ERICH3: variants seen among roughly 807,000 people sequenced by gnomAD.
The protein encoded by ERICH3 is glutamate-rich protein 3.
In ERICH3, 126 loss-of-function variants were observed where a neutral mutation model predicts 131.1. The ratio of observed to expected loss-of-function variants is 0.96; its 90% CI spans 0.83 to 1.11. The LOEUF is 1.11. Among genes scored for constraint, ERICH3 ranks in the 50% most tolerant of loss-of-function variants. The pLI is 0.00. For missense variants in ERICH3, 2,050 were observed against 1,810.7 expected (o/e 1.13, Z -2.40); for synonymous variants, 695 against 644.6 (o/e 1.08, Z -1.18).
chr1:74,621,113 GT>G (rs1161002195), intron 7 of ERICH3, among the ~76,000 whole-genome samples, 199 bp from the exon 8 acceptor site: 4 of 152,086 alleles, frequency 2.6e-5, no homozygotes, highest in African/African-American at 9.7e-5. Flanking sequence ...TAACATATAT[GT>G]TTTGGCTTTC....
intron 12 of ERICH3, chr1:74,589,357 C>A: frequency 1.8e-6 from 1 of 540,682 alleles, no homozygotes; most frequent in Non-Finnish European, 3.2e-6. Flanking sequence ...TGCTTTATTT[C>A]ATTCCTGAGA....
chr1:74,588,225 C>A (rs1427000966), intron 12 of ERICH3, among the ~76,000 whole-genome samples: 1 of 152,170 alleles, frequency 6.6e-6, no homozygotes, highest in Non-Finnish European at 1.5e-5. Context: ...CAAATACGTT[C>A]TTCGTGAAAA....
chr1:74,588,165 T>TATCCTCCTGTATCCCACCTTC (rs1202442794), intron 12 of ERICH3, among the ~76,000 whole-genome samples: 105 of 152,338 alleles, frequency 6.9e-4, no homozygotes, highest in African/African-American at 2.4e-3. Flanking sequence ...AAAACACCTT[T>TATCCTCCTGTATCCCACCTTC]ATCCTCCTGT....
chr1:74,635,572 GT>G (rs1317191552), intron 6 of ERICH3, among the ~76,000 whole-genome samples: 1 of 151,986 alleles, frequency 6.6e-6, no homozygotes, highest in African/African-American at 2.4e-5. Flanking sequence ...CATGTCGCAG[GT>G]TTTTTCTTAA....
intron 10 of ERICH3, among the ~76,000 whole-genome samples, chr1:74,604,951 T>C (rs1043882677): frequency 6.6e-6 from 1 of 151,950 alleles, no homozygotes; most frequent in Non-Finnish European, 1.5e-5. Flanking sequence ...AGGTGTTGAC[T>C]TCTCCTTTCT....
intron 7 of ERICH3, chr1:74,625,847 C>T (rs1299064518): frequency 6.6e-6 from 1 of 152,160 alleles, no homozygotes; most frequent in African/African-American, 2.4e-5. Context: ...AAAGGATTAT[C>T]AGGTACATGA....
intron 8 of ERICH3, among the ~76,000 whole-genome samples, chr1:74,615,020 T>C (rs1314716845): frequency 2.0e-5 from 3 of 152,162 alleles, no homozygotes; most frequent in Non-Finnish European, 4.4e-5. Context: ...TAAGGAAATG[T>C]TGAGAAAGGG....
chr1:74,646,174 C>T (rs1646480782), intron 3 of ERICH3, among the ~76,000 whole-genome samples: 1 of 152,002 alleles, frequency 6.6e-6, no homozygotes, highest in African/African-American at 2.4e-5. Flanking sequence ...TGTTAAAATG[C>T]CTATTCCTTG....
chr1:74,636,145 G>A, intron 6 of ERICH3, 135 bp downstream of exon 6: 1 of 693,792 alleles, frequency 1.4e-6, no homozygotes, highest in Non-Finnish European at 2.1e-6. Flanking sequence ...CAAGTATGTA[G>A]TAAGTGTTTC....
intron 1 of ERICH3, among the ~76,000 whole-genome samples, chr1:74,672,027 G>A (rs1646747344): frequency 6.6e-6 from 1 of 152,128 alleles, no homozygotes; most frequent in Admixed American, 6.5e-5. Context: ...TGGAACTAAT[G>A]GAACTTCAGA....
intron 1 of ERICH3, among the ~76,000 whole-genome samples, chr1:74,656,976 TCA>T (rs1430191993): frequency 6.6e-6 from 1 of 152,206 alleles, no homozygotes; most frequent in Non-Finnish European, 1.5e-5. Flanking sequence ...CAGTAAACTG[TCA>T]CAAACCCAGC....
At chr1:74,636,163 T>C (rs1646387083) in intron 6 of ERICH3, 117 bp downstream of exon 6, 13 of 857,282 alleles carry the variant, frequency 1.5e-5, no homozygotes, top group Middle Eastern at 3.7e-4. Context: ...TTCATACATA[T>C]ACAATATAAT....
At chr1:74,648,197 C>G (rs932281527) in intron 2 of ERICH3, among the ~76,000 whole-genome samples, 17 of 152,100 alleles carry the variant, frequency 1.1e-4, no homozygotes, top group Non-Finnish European at 2.4e-4. Context: ...TCAGTAAGTG[C>G]TTGTTAATGA....
At chr1:74,646,861 G>T in intron 2 of ERICH3, 69 bp from the exon 3 acceptor site, 2 of 696,000 alleles carry the variant, frequency 2.9e-6, no homozygotes, top group Non-Finnish European at 4.3e-6. Context: ...TCCAAAAAAG[G>T]GAGGCTGGAG....
rs61381778 is a variant in ERICH3, at chr1:74,648,007, G to A, written c.117+1215C>T. ...GACCATGCATCAGAACCACCTGCAG[G>A]GCTTGTTGAAAAACTGATAGGTCCC... is the stretch of plus-strand genomic sequence containing the variant. On this transcript the variant is annotated intron_variant, in intron 2 of 14. Coordinates refer to ENST00000326665, the MANE Select transcript of ERICH3 (RefSeq NM_001002912.5). Among the ~76,000 whole-genome samples the A allele has an allele frequency of 7.6e-3, 1,152 of 152,128 alleles. 8 individuals are homozygous for A. The highest frequency in any genetic ancestry group is 0.013 in the African/African-American group (534 of 41,514).
chr1:74,671,883 C>T (rs1646746539), intron 1 of ERICH3, among the ~76,000 whole-genome samples: 2 of 152,152 alleles, frequency 1.3e-5, no homozygotes, highest in South Asian at 4.1e-4. Context: ...GAAATTAATA[C>T]AATATGGTGC....
chr1:74,671,322 C>G (rs1381224461), intron 1 of ERICH3, among the ~76,000 whole-genome samples: 1 of 151,678 alleles, frequency 6.6e-6, no homozygotes, highest in Admixed American at 6.6e-5. Context: ...TGTCCTGTTC[C>G]CTCAGAAGCA....
chr1:74,577,796 C>G lies in ERICH3; in HGVS notation c.2177-860G>C, dbSNP rs1647094600. Among the ~76,000 whole-genome samples the G allele has an allele frequency of 2.6e-5, 4 of 152,198 alleles. No homozygotes were observed. The South Asian group carries it at 8.3e-4, about 32-fold the overall frequency. Reference sequence around the variant, plus strand: ...CATGCAATGAAATAATTGAAAAAAACAGTTTAGTTGCATTTTCCCTTCTAG... The same window carrying G: ...CATGCAATGAAATAATTGAAAAAAAGAGTTTAGTTGCATTTTCCCTTCTAG... On this transcript the variant is annotated intron_variant, in intron 12 of 14. Coordinates refer to ENST00000326665, the MANE Select transcript of ERICH3 (RefSeq NM_001002912.5).
At chr1:74,604,125 A>G (rs1648275584) in intron 10 of ERICH3, among the ~76,000 whole-genome samples, 2 of 151,906 alleles carry the variant, frequency 1.3e-5, no homozygotes, top group African/African-American at 2.4e-5. Flanking sequence ...TTGTCATTTC[A>G]ACAATGTTCA....
Sources: allele counts gnomAD v4.1 joint callset (sites outside exome capture counted in the v4.1 genomes callset), GRCh38; gene constraint gnomAD v4.1.1; transcripts MANE v1.5; gene names NCBI Gene and HGNC (gene_info 2026-07-23, HGNC 2026-07-21).